TSHZ2: variants seen among roughly 807,000 people sequenced by gnomAD.
The protein encoded by TSHZ2 is teashirt zinc finger homeobox 2.
Under a neutral mutation model 74.4 loss-of-function variants are expected in TSHZ2, and 21 were observed. The ratio of observed to expected loss-of-function variants is 0.28; its 90% CI spans 0.20 to 0.41. The LOEUF is 0.41. Ranked by LOEUF, TSHZ2 falls within the 10% of genes least tolerant of loss-of-function variation. TSHZ2 has a pLI of 1.00. For synonymous variants in TSHZ2, 540 were observed against 515.3 expected (o/e 1.05, Z -0.65); for missense variants, 1,244 against 1,293.5 (o/e 0.96, Z 0.59).
intron 2 of TSHZ2, among the ~76,000 whole-genome samples, chr20:53,484,301 T>G (rs1344067608): frequency 6.6e-6 from 1 of 151,934 alleles, no homozygotes; most frequent in African/African-American, 2.4e-5. Flanking sequence ...AGCTTCAGAG[T>G]AGGAAGGACT....
chr20:53,441,280 T>C (rs866621090), intron 2 of TSHZ2, among the ~76,000 whole-genome samples: 1 of 112,740 alleles, frequency 8.9e-6, no homozygotes, highest in African/African-American at 3.1e-5. Context: ...ATTTTATTTA[T>C]TTTGAGATGG....
At position 53,322,512 on chromosome 20, in the gene TSHZ2, C is replaced by CA. The variant is rs1225665371; in HGVS notation, c.*8+65953dup. Among the ~76,000 whole-genome samples the CA allele has an allele frequency of 3.1e-3, 419 of 136,032 alleles. 4 individuals carry two copies. The highest frequency in any genetic ancestry group is 4.0e-3 in the African/African-American group (146 of 36,734). The allele number at this position is 136,032 out of a possible 152,430, so 89.2% of individuals were successfully genotyped here. On this transcript the variant is annotated intron_variant, in intron 2 of 2. Transcript: ENST00000371497. Reference sequence around the variant, plus strand: ...TGGGCAACAGAGCAAGACCCTGTCTCAAAAAAAAAAAAGAAAAAAAAAACA... The same window carrying CA: ...TGGGCAACAGAGCAAGACCCTGTCTCAAAAAAAAAAAAAGAAAAAAAAAACA...
chr20:53,336,248 A>G (rs1979945280), intron 2 of TSHZ2, among the ~76,000 whole-genome samples: 1 of 152,204 alleles, frequency 6.6e-6, no homozygotes, highest in Non-Finnish European at 1.5e-5. Context: ...CACTGCCAAG[A>G]AAGGCTGAGA....
chr20:53,293,899 C>A (rs567666979), intron 2 of TSHZ2, among the ~76,000 whole-genome samples: 24 of 152,024 alleles, frequency 1.6e-4, no homozygotes, highest in African/African-American at 5.3e-4. Flanking sequence ...GTCTGTAATC[C>A]CAGCTACTCG....
chr20:53,307,296 T>C (rs891139237), intron 2 of TSHZ2, among the ~76,000 whole-genome samples: 3 of 149,220 alleles, frequency 2.0e-5, no homozygotes, highest in Non-Finnish European at 3.0e-5. Context: ...CTCTTCCAAG[T>C]ACAAAAGAGC....
At chr20:53,070,996 T>C (rs1985155972) in intron 1 of TSHZ2, among the ~76,000 whole-genome samples, 1 of 152,210 alleles carries the variant, frequency 6.6e-6, no homozygotes, top group East Asian at 1.9e-4. Context: ...GTTTGAGGGA[T>C]GGGGAAGTTT....
chr20:53,469,043 T>TCATATATATA, intron 2 of TSHZ2, among the ~76,000 whole-genome samples: 1 of 13,694 alleles, frequency 7.3e-5, no homozygotes, highest in Non-Finnish European at 1.9e-4. Flanking sequence ...GAAATCGATA[T>TCATATATATA]TTTATATATA....
chr20:53,378,758 A>C (rs1981752652), intron 2 of TSHZ2, among the ~76,000 whole-genome samples: 1 of 152,208 alleles, frequency 6.6e-6, no homozygotes, highest in African/African-American at 2.4e-5. Context: ...TTAAAAAAAA[A>C]CTGCCACATG....
chr20:52,999,061 G>T (rs1288409074), intron 1 of TSHZ2, among the ~76,000 whole-genome samples: 1 of 151,642 alleles, frequency 6.6e-6, no homozygotes, highest in Admixed American at 6.6e-5. Flanking sequence ...TTTCAGACTA[G>T]CAAAATGATG....
In TSHZ2 at chr20:53,128,691, A is replaced by G. The variant is rs554392780; in HGVS notation, c.41-124808A>G. On this transcript the variant is annotated intron_variant, in intron 1 of 2. Transcript: ENST00000371497. ...GGCTGGAGTACAGTGGTGCAATCTC[A>G]GCTCACTGCAACCTCCACCTCCCAA... 4.3e-3 allele frequency among the ~76,000 whole-genome samples: 647 copies of G among 151,526 alleles called. 4 individuals carry two copies. The highest frequency in any genetic ancestry group is 7.3e-3 in the Non-Finnish European group (496 of 67,946).
At chr20:53,007,897 A>G (rs1394761260) in intron 1 of TSHZ2, among the ~76,000 whole-genome samples, 1 of 152,126 alleles carries the variant, frequency 6.6e-6, no homozygotes, top group African/African-American at 2.4e-5. Context: ...AACACAGCAA[A>G]TGGTCTGGCT....
chr20:53,446,455 G>C (rs1600645651), intron 2 of TSHZ2, among the ~76,000 whole-genome samples: 1 of 150,180 alleles, frequency 6.7e-6, no homozygotes, highest in East Asian at 2.0e-4. Context: ...GGTACCTGTA[G>C]TCCGTCCCAG....
chr20:53,471,886 G>A (rs6022504), intron 2 of TSHZ2, among the ~76,000 whole-genome samples: 29,948 of 144,632 alleles, frequency 0.21, 3,175 homozygotes, highest in East Asian at 0.3. Context: ...GGCTCACTAC[G>A]ACCTCCATCT....
intron 2 of TSHZ2, among the ~76,000 whole-genome samples, chr20:53,434,724 GT>G (rs1983980158): frequency 6.6e-6 from 1 of 152,230 alleles, no homozygotes; most frequent in Admixed American, 6.5e-5. Context: ...TAGACTCTGC[GT>G]AGATTTGTTT....
intron 2 of TSHZ2, among the ~76,000 whole-genome samples, chr20:53,452,365 C>T (rs558839396): frequency 4.6e-5 from 7 of 152,218 alleles, no homozygotes; most frequent in African/African-American, 9.6e-5. Context: ...TTTGGGAGGC[C>T]GAGGCAGGTA....
At chr20:53,295,804 C>T (rs1243484111) in intron 2 of TSHZ2, among the ~76,000 whole-genome samples, 1 of 152,110 alleles carries the variant, frequency 6.6e-6, no homozygotes, top group African/African-American at 2.4e-5. Flanking sequence ...GATGTTAAAA[C>T]CTTGAACTTG....
At position 53,223,926 on chromosome 20, in the gene TSHZ2, CA is replaced by C. The variant is rs1163501105; in HGVS notation, c.41-29572del. On this transcript the variant is annotated intron_variant, in intron 1 of 2. Transcript: ENST00000371497. ...ACACACACACACACACACACACACA[CA>C]CACACCCCTAAGTTTAGGTAAAACT... is the stretch of plus-strand genomic sequence containing the variant. 3.9e-4 allele frequency among the ~76,000 whole-genome samples: 59 copies of C among 149,770 alleles called. 1 individual carries two copies. The highest frequency in any genetic ancestry group is 1.4e-3 in the African/African-American group (58 of 41,108).
intron 2 of TSHZ2, among the ~76,000 whole-genome samples, chr20:53,458,605 CT>C (rs1303181955): frequency 6.6e-6 from 1 of 152,016 alleles, no homozygotes; most frequent in Non-Finnish European, 1.5e-5. Context: ...CTTCTGCTAG[CT>C]TTTGAATGTG....
chr20:53,153,016 A>G lies in TSHZ2; in HGVS notation c.41-100483A>G, dbSNP rs554076810. 2.0e-5 allele frequency among the ~76,000 whole-genome samples: 3 copies of G among 152,310 alleles called. No homozygotes were observed. The South Asian group carries it at 6.2e-4, about 32-fold the overall frequency. ...GTGTGGGAGAGAGGTTGATAGGGAT[A>G]TTCCAGGGAAAGGGAGCAGCATGTG... is the stretch of plus-strand genomic sequence containing the variant. On this transcript the variant is annotated intron_variant, in intron 1 of 2. Transcript: ENST00000371497.
Sources: allele counts gnomAD v4.1 joint callset (sites outside exome capture counted in the v4.1 genomes callset), GRCh38; gene constraint gnomAD v4.1.1; transcripts MANE v1.5; gene names NCBI Gene and HGNC (gene_info 2026-07-23, HGNC 2026-07-21).